SUGCT: variants seen among roughly 807,000 people sequenced by gnomAD.
SUGCT encodes the protein succinyl-CoA:glutarate-CoA transferase, also known as succinyl-CoA:glutarate CoA-transferase.
Under a neutral mutation model 55.0 loss-of-function variants are expected in SUGCT, and 41 were observed. The ratio of observed to expected loss-of-function variants is 0.74; its 90% CI spans 0.58 to 0.97. The LOEUF is 0.97. SUGCT is among the 50% of genes least tolerant of loss of function. The pLI, the probability that SUGCT is intolerant of heterozygous loss-of-function variation, is 0.00. For synonymous variants in SUGCT, 187 were observed against 200.4 expected (o/e 0.93, Z 0.56); for missense variants, 568 against 547.8 (o/e 1.04, Z -0.37).
chr7:40,291,894 G>A (rs1011221889), intron 8 of SUGCT, among the ~76,000 whole-genome samples: 2 of 152,266 alleles, frequency 1.3e-5, no homozygotes, highest in East Asian at 1.9e-4. Flanking sequence ...GCCTCTAGAA[G>A]CTTAAAGAGG....
intron 9 of SUGCT, among the ~76,000 whole-genome samples, chr7:40,341,405 G>A (rs763852819): frequency 6.6e-6 from 1 of 152,106 alleles, no homozygotes; most frequent in African/African-American, 2.4e-5. Flanking sequence ...CCACAGGTAG[G>A]TATTAATAGA....
intron 10 of SUGCT, among the ~76,000 whole-genome samples, chr7:40,456,393 A>G (rs545236340): frequency 1.3e-5 from 2 of 152,334 alleles, no homozygotes; most frequent in Middle Eastern, 3.4e-3. Flanking sequence ...CTGCAATATC[A>G]TACACCTGAA....
chr7:40,404,473 T>C (rs1289283276), intron 9 of SUGCT, among the ~76,000 whole-genome samples: 1 of 151,946 alleles, frequency 6.6e-6, no homozygotes, highest in African/African-American at 2.4e-5. Context: ...AGTCTCACTC[T>C]GTCACCCAGG....
intron 9 of SUGCT, among the ~76,000 whole-genome samples, chr7:40,367,714 C>G (rs1784074054): frequency 6.6e-6 from 1 of 152,112 alleles, no homozygotes; most frequent in East Asian, 1.9e-4. Context: ...TTCTTATTTC[C>G]TCTTCTTTCC....
intron 8 of SUGCT, among the ~76,000 whole-genome samples, chr7:40,286,971 C>T (rs1011014990): frequency 1.3e-5 from 2 of 152,104 alleles, no homozygotes; most frequent in African/African-American, 4.8e-5. Flanking sequence ...ATCTTTCTGT[C>T]ACTTGGACCC....
chr7:40,473,136 A>G (rs1336844215), intron 11 of SUGCT, among the ~76,000 whole-genome samples: 1 of 152,204 alleles, frequency 6.6e-6, no homozygotes, highest in Admixed American at 6.5e-5. Flanking sequence ...GATGAAACAC[A>G]GTCCACCAAT....
the SUGCT span, among the ~76,000 whole-genome samples, chr7:40,945,521 C>T: frequency 9.9e-5 from 15 of 152,134 alleles, no homozygotes; most frequent in Non-Finnish European, 2.1e-4. Context: ...ACTATGTCTG[C>T]AATGGTGGGT....
chr7:41,021,173 T>C, the SUGCT span, among the ~76,000 whole-genome samples: 1 of 152,176 alleles, frequency 6.6e-6, no homozygotes, highest in Non-Finnish European at 1.5e-5. Context: ...ACTGAAACTC[T>C]GGCCTGCCAC....
intron 7 of SUGCT, among the ~76,000 whole-genome samples, chr7:40,264,675 C>G (rs1791444163): frequency 6.6e-6 from 1 of 152,278 alleles, no homozygotes; most frequent in East Asian, 1.9e-4. Context: ...AAAATACTAC[C>G]TTCATATTAA....
intron 12 of SUGCT, among the ~76,000 whole-genome samples, chr7:40,699,121 A>G (rs1159595146): frequency 6.6e-6 from 1 of 152,158 alleles, no homozygotes; most frequent in African/African-American, 2.4e-5. Context: ...TTCATATGAG[A>G]TTAATGCAGT....
At chr7:40,477,384 T>C (rs1790758231) in intron 11 of SUGCT, among the ~76,000 whole-genome samples, 1 of 152,158 alleles carries the variant, frequency 6.6e-6, no homozygotes, top group Non-Finnish European at 1.5e-5. Flanking sequence ...AAGTGACTTC[T>C]TTCTGAATGT....
the SUGCT span, among the ~76,000 whole-genome samples, chr7:40,896,267 A>G: frequency 6.6e-6 from 1 of 152,246 alleles, no homozygotes; most frequent in Non-Finnish European, 1.5e-5. Flanking sequence ...AAAAAACCTT[A>G]AGAATAAATT....
At chr7:40,984,653 T>A in the SUGCT span, among the ~76,000 whole-genome samples, 1 of 152,190 alleles carries the variant, frequency 6.6e-6, no homozygotes, top group Admixed American at 6.5e-5. Flanking sequence ...TCTGTGATGT[T>A]CTAGGTTGCT....
chr7:40,498,669 G>A (rs1044417148), intron 12 of SUGCT, among the ~76,000 whole-genome samples: 1 of 152,172 alleles, frequency 6.6e-6, no homozygotes, highest in African/African-American at 2.4e-5. Flanking sequence ...AGTGTAAAAT[G>A]GTGAAATAGC....
At chr7:40,486,717 T>A (rs1282538442) in intron 11 of SUGCT, among the ~76,000 whole-genome samples, 1 of 144,294 alleles carries the variant, frequency 6.9e-6, no homozygotes, top group African/African-American at 2.8e-5. Flanking sequence ...TTCATTTTTC[T>A]TCCTTCCTTT....
chr7:40,391,442 A>G (rs1300696379), intron 9 of SUGCT, among the ~76,000 whole-genome samples: 1 of 152,082 alleles, frequency 6.6e-6, no homozygotes, highest in Non-Finnish European at 1.5e-5. Context: ...TACAAGAAAA[A>G]ATCAAACAAC....
In SUGCT at chr7:40,735,700, A is replaced by C. The variant is rs527822369; in HGVS notation, c.1090-13734A>C. 5.3e-5 allele frequency among the ~76,000 whole-genome samples: 8 copies of C among 152,300 alleles called. No individual in the cohort carries two copies. The East Asian group carries it at 1.5e-3, about 29-fold the overall frequency. On this transcript the variant is annotated intron_variant, in intron 12 of 13. Transcript: ENST00000335693. ...TGTCAGTGGGTGAACTAGGTAAAAA[A>C]CAAAACAAAACAAAAAAGAAAGCAA...
chr7:40,440,523 A>C (rs1788458038), intron 9 of SUGCT, among the ~76,000 whole-genome samples: 1 of 152,110 alleles, frequency 6.6e-6, no homozygotes. Context: ...TGAACTTGTC[A>C]CTGGACTATC....
At chr7:40,386,974 A>T (rs973323741) in intron 9 of SUGCT, among the ~76,000 whole-genome samples, 21 of 152,088 alleles carry the variant, frequency 1.4e-4, no homozygotes, top group African/African-American at 4.6e-4. Context: ...ACACCAATGC[A>T]GTGGCTTCTT....
Sources: gnomAD v4.1 joint callset for allele counts (sites outside exome capture counted in the v4.1 genomes callset) on GRCh38, gnomAD v4.1.1 for gene constraint, MANE v1.5 for transcripts, NCBI Gene and HGNC (gene_info 2026-07-23, HGNC 2026-07-21) for gene names.